The following SH3BGRL2 variants were observed in gnomAD, a reference collection of about 807,000 sequenced individuals.
SH3BGRL2 encodes the protein SH3 domain binding glutamate rich protein like 2, also known as SH3 domain-binding glutamic acid-rich-like protein 2.
Under a neutral mutation model 14.8 loss-of-function variants are expected in SH3BGRL2, and 21 were observed. That is an observed-to-expected ratio of 1.42 (90% confidence interval 1.01 to 2.05). The LOEUF (loss-of-function observed/expected upper bound fraction) is 2.05, where lower values mean the gene tolerates loss of function less well. Among genes scored for constraint, SH3BGRL2 ranks in the 30% most tolerant of loss-of-function variants. The pLI is 0.00. For missense variants in SH3BGRL2, 147 were observed against 130.8 expected, an observed-to-expected ratio of 1.12 and a Z score of -0.61; for synonymous variants, 50 against 47.8, an observed-to-expected ratio of 1.05 and a Z score of -0.19.
the SH3BGRL2 span, among the ~76,000 whole-genome samples, chr6:79,567,138 G>T: frequency 1.3e-5 from 2 of 152,028 alleles, no homozygotes; most frequent in East Asian, 3.8e-4. Flanking sequence ...ATGTCACCAA[G>T]TTAATTCATT....
Position 79,673,674 on chromosome 6 carries a change from G to A in SH3BGRL2, c.106G>A (p.Glu36Lys), listed in dbSNP as rs1769821348. 6.2e-7 allele frequency: 1 copy of A among 1,614,152 alleles called. No homozygotes were observed. The change falls in exon 2 of 4, where the codon GAG becomes AAG. Residue 36 changes from glutamate (E) to lysine (K), a missense_variant. By Grantham distance (56) the Glu-to-Lys change is moderately conservative (BLOSUM62 1). Transcript: ENST00000369838. Reference sequence around the variant, plus strand: ...GGAAGCCAACAAGATAGAGTTTGAGGAGGTGGATATCACAATGTCAGAAGA... The same window carrying A: ...GGAAGCCAACAAGATAGAGTTTGAGAAGGTGGATATCACAATGTCAGAAGA... ...FLEANKIEFE[E>K]VDITMSEEQR...
the SH3BGRL2 span, among the ~76,000 whole-genome samples, chr6:79,590,296 A>T: frequency 6.6e-6 from 1 of 151,882 alleles, no homozygotes; most frequent in South Asian, 2.1e-4. Flanking sequence ...GTATATGCCC[A>T]AAAGAAAATA....
intron 1 of SH3BGRL2, among the ~76,000 whole-genome samples, chr6:79,671,530 G>A (rs1769773506): frequency 6.6e-6 from 1 of 152,186 alleles, no homozygotes; most frequent in African/African-American, 2.4e-5. Context: ...CATTTGCTTA[G>A]GAAATTCCTT....
chr6:79,571,910 A>G, the SH3BGRL2 span, among the ~76,000 whole-genome samples: 1 of 152,204 alleles, frequency 6.6e-6, no homozygotes, highest in East Asian at 1.9e-4. Context: ...TTTTTAAAAA[A>G]TAAACTCTTT....
At chr6:79,569,785 A>C in the SH3BGRL2 span, among the ~76,000 whole-genome samples, 8 of 152,184 alleles carry the variant, frequency 5.3e-5, no homozygotes, top group Non-Finnish European at 1.2e-4. Flanking sequence ...TCCTAATTCT[A>C]AAGTGGGTTT....
At chr6:79,676,554 T>C (rs1468575316) in intron 2 of SH3BGRL2, among the ~76,000 whole-genome samples, 1 of 151,902 alleles carries the variant, frequency 6.6e-6, no homozygotes, top group East Asian at 1.9e-4. Flanking sequence ...TTACTGCTTA[T>C]ATTGTGGTTT....
At chr6:79,603,159 G>A in the SH3BGRL2 span, among the ~76,000 whole-genome samples, 3 of 152,128 alleles carry the variant, frequency 2.0e-5, no homozygotes, top group Admixed American at 2.0e-4. Context: ...AGTTAAAATG[G>A]ACCTTACAGT....
the SH3BGRL2 span, among the ~76,000 whole-genome samples, chr6:79,596,535 T>C: frequency 6.6e-6 from 1 of 152,118 alleles, no homozygotes; most frequent in Non-Finnish European, 1.5e-5. Flanking sequence ...GCTCAAGCAA[T>C]CCTCCCACCT....
At chr6:79,654,863 T>C (rs1769372912) in intron 1 of SH3BGRL2, among the ~76,000 whole-genome samples, 1 of 152,200 alleles carries the variant, frequency 6.6e-6, no homozygotes, top group South Asian at 2.1e-4. Context: ...GATTCTATTA[T>C]GGCTTGCCCT....
the SH3BGRL2 span, among the ~76,000 whole-genome samples, chr6:79,562,066 A>G: frequency 6.6e-6 from 1 of 152,148 alleles, no homozygotes; most frequent in Admixed American, 6.5e-5. Context: ...TTTCTGTAGT[A>G]TTATTTCCTA....
chr6:79,545,747 T>C, the SH3BGRL2 span, among the ~76,000 whole-genome samples: 1 of 152,172 alleles, frequency 6.6e-6, no homozygotes, highest in Non-Finnish European at 1.5e-5. Flanking sequence ...ATACTAGTGG[T>C]ACTTGAAATT....
chr6:79,551,582 ACAGG>A, the SH3BGRL2 span, among the ~76,000 whole-genome samples: 1 of 152,136 alleles, frequency 6.6e-6, no homozygotes, highest in Non-Finnish European at 1.5e-5. Context: ...AAGACCAGAA[ACAGG>A]CACATTGAAG....
At chr6:79,566,897 TAAAA>T in the SH3BGRL2 span, among the ~76,000 whole-genome samples, 11 of 136,872 alleles carry the variant, frequency 8.0e-5, no homozygotes, top group African/African-American at 1.4e-4. Flanking sequence ...ACTCTGTCTC[TAAAA>T]AAAAAAAAAA....
chr6:79,565,657 A>G, the SH3BGRL2 span, among the ~76,000 whole-genome samples: 4 of 152,230 alleles, frequency 2.6e-5, no homozygotes, highest in African/African-American at 9.6e-5. Flanking sequence ...CAGTCCCAAC[A>G]CATTGAATGC....
At chr6:79,576,808 C>T in the SH3BGRL2 span, among the ~76,000 whole-genome samples, 1 of 152,190 alleles carries the variant, frequency 6.6e-6, no homozygotes, top group Non-Finnish European at 1.5e-5. Context: ...CCACCCCAAA[C>T]CTGGCTCCTC....
intron 2 of SH3BGRL2, among the ~76,000 whole-genome samples, chr6:79,689,594 C>A (rs1057502213): frequency 2.6e-5 from 4 of 152,060 alleles, no homozygotes; most frequent in East Asian, 3.9e-4. Flanking sequence ...TGCCCTGTTG[C>A]TCAGGCTGGA....
chr6:79,670,671 A>G (rs926966321), intron 1 of SH3BGRL2, among the ~76,000 whole-genome samples: 2 of 152,210 alleles, frequency 1.3e-5, no homozygotes, highest in African/African-American at 4.8e-5. Context: ...TTAAGGGTTT[A>G]TTTGTCTAAT....
chr6:79,658,624 G>A (rs1272519539), intron 1 of SH3BGRL2, among the ~76,000 whole-genome samples: 1 of 152,150 alleles, frequency 6.6e-6, no homozygotes, highest in Non-Finnish European at 1.5e-5. Context: ...TGTCTTTATA[G>A]TAGCATGATT....
the SH3BGRL2 span, among the ~76,000 whole-genome samples, chr6:79,567,198 G>A: frequency 1.3e-5 from 2 of 152,208 alleles, no homozygotes; most frequent in Admixed American, 6.5e-5. Context: ...TACTTGTGTA[G>A]ATTCAGTCTT....
Sources: gnomAD v4.1 joint callset for allele counts (sites outside exome capture counted in the v4.1 genomes callset) on GRCh38, gnomAD v4.1.1 for gene constraint, MANE v1.5 for transcripts, NCBI Gene and HGNC (gene_info 2026-07-23, HGNC 2026-07-21) for gene names.